The following CCSER2 variants were observed in gnomAD, a reference collection of about 807,000 sequenced individuals.
The protein encoded by CCSER2 is serine-rich coiled-coil domain-containing protein 2.
Under a neutral mutation model 92.3 loss-of-function variants are expected in CCSER2, and 46 were observed. That is an observed-to-expected ratio of 0.50 (90% CI 0.39 to 0.64). CCSER2 has a LOEUF of 0.64. Among genes scored for constraint, CCSER2 ranks in the 30% least tolerant of loss-of-function variants. The pLI is 0.00. For missense variants in CCSER2, 1,244 were observed against 1,238.9 expected, an observed-to-expected ratio of 1.00 and a Z score of -0.06; for synonymous variants, 433 against 431.4, an observed-to-expected ratio of 1.00 and a Z score of -0.04.
intron 3 of CCSER2, among the ~76,000 whole-genome samples, chr10:84,398,232 C>G (rs184278276): frequency 2.0e-5 from 3 of 152,300 alleles, no homozygotes; most frequent in Admixed American, 6.5e-5. Flanking sequence ...CAACACCGCA[C>G]CTCTTTGACC....
At chr10:84,489,934 G>A (rs1848052168) in intron 9 of CCSER2, among the ~76,000 whole-genome samples, 1 of 152,152 alleles carries the variant, frequency 6.6e-6, no homozygotes, top group African/African-American at 2.4e-5. Flanking sequence ...GGGCAGGCCT[G>A]GTGGTGACAA....
chr10:84,473,526 T>C (rs1589760287), intron 8 of CCSER2, among the ~76,000 whole-genome samples: 1 of 152,326 alleles, frequency 6.6e-6, no homozygotes, highest in East Asian at 1.9e-4. Context: ...GTATCCTTTT[T>C]ATAGTAGAAA....
chr10:84,474,662 C>CA (rs397844899), intron 8 of CCSER2, among the ~76,000 whole-genome samples: 5,107 of 65,118 alleles, frequency 0.078, 287 homozygotes, highest in Non-Finnish European at 0.093. Flanking sequence ...GACTCCATCT[C>CA]AAAAAAAAAA....
intron 5 of CCSER2, among the ~76,000 whole-genome samples, chr10:84,433,762 T>C (rs549100482): frequency 6.6e-6 from 1 of 152,340 alleles, no homozygotes; most frequent in Admixed American, 6.5e-5. Context: ...TTCTTTTCTC[T>C]AGTTTGCATC....
chr10:84,399,122 A>G (rs1395459009), intron 3 of CCSER2, among the ~76,000 whole-genome samples: 2 of 152,178 alleles, frequency 1.3e-5, no homozygotes. Flanking sequence ...GGCTTTTAGC[A>G]TACCCATCAC....
At chr10:84,485,091 CAA>C (rs1472340240) in intron 9 of CCSER2, among the ~76,000 whole-genome samples, 1 of 152,124 alleles carries the variant, frequency 6.6e-6, no homozygotes. Flanking sequence ...AGTGTAATTA[CAA>C]AAGAGTGATA....
chr10:84,498,440 G>A (rs567407090), intron 9 of CCSER2, among the ~76,000 whole-genome samples: 1 of 151,408 alleles, frequency 6.6e-6, no homozygotes, highest in East Asian at 1.9e-4. Flanking sequence ...TAGTTTTTGT[G>A]GCTTTTTTTT....
rs1012145766 is a variant in CCSER2, at chr10:84,470,468, G to A, written c.2235+10G>A. ...ATTAGAACTTCAGCTTGTAAGTATT[G>A]TAGTATAATGTATAGAGACTTTTCA... On this transcript the variant is annotated intron_variant, in intron 8 of 9. Transcript: ENST00000372088. 2 of 1,410,628 alleles carry A rather than the reference G, an allele frequency of 1.4e-6. No homozygotes were observed. The highest frequency in any genetic ancestry group is 1.5e-5 in the African/African-American group (1 of 67,318). 87.4% of individuals were successfully genotyped at this position (1,410,628 alleles called of 1,614,324 possible). A position where few individuals can be genotyped will look rare whatever the true frequency, so the allele number is the denominator to read the frequency against.
intron 1 of CCSER2, among the ~76,000 whole-genome samples, chr10:84,348,872 T>G (rs1403427581): frequency 6.6e-6 from 1 of 152,174 alleles, no homozygotes; most frequent in Non-Finnish European, 1.5e-5. Flanking sequence ...TTTGCTCTCT[T>G]TCATATATAT....
chr10:84,473,871 A>G (rs1846968885), intron 8 of CCSER2, among the ~76,000 whole-genome samples: 1 of 152,106 alleles, frequency 6.6e-6, no homozygotes, highest in Non-Finnish European at 1.5e-5. Context: ...GTGATTTCCA[A>G]TTTCCCTTTC....
chr10:84,435,535 G>T (rs1291615801), intron 5 of CCSER2, among the ~76,000 whole-genome samples: 1 of 150,748 alleles, frequency 6.6e-6, no homozygotes, highest in Non-Finnish European at 1.5e-5. Flanking sequence ...TTCTAAAGCA[G>T]TGCTTTTGTC....
chr10:84,413,101 C>T (rs1054517695), intron 3 of CCSER2, among the ~76,000 whole-genome samples: 1 of 146,554 alleles, frequency 6.8e-6, no homozygotes, highest in Non-Finnish European at 1.5e-5. Flanking sequence ...TTCCTGGATT[C>T]ATTGATTTTT....
At chr10:84,444,700 G>A (rs116261254) in intron 6 of CCSER2, among the ~76,000 whole-genome samples, 3,649 of 152,174 alleles carry the variant, frequency 0.024, 137 homozygotes, top group African/African-American at 0.083. Flanking sequence ...CCCAAGCAAA[G>A]GAATCTTTGT....
chr10:84,470,429 GA>G lies in CCSER2; in HGVS notation c.2210del (p.Lys737ArgfsTer5). 1 of 1,406,788 alleles carries G rather than the reference GA, an allele frequency of 7.1e-7. No individual in the cohort carries two copies. Among genetic ancestry groups the G allele is most frequent in the Non-Finnish European group, 9.5e-7 (1 of 1,051,134 alleles). 87.1% of individuals were successfully genotyped at this position (1,406,788 alleles called of 1,614,324 possible). On this transcript the variant is annotated frameshift_variant, in exon 8 of 10. Coordinates refer to ENST00000372088, the MANE Select transcript of CCSER2 (RefSeq NM_001284240.2). LOFTEE classifies it high-confidence loss of function. Reference protein sequence around the residue: ...QLKDEIKKKDEKIQLLELQLA... With the variant: ...QLKDEIKKKDXKIQLLELQLA... The stretch of plus-strand genomic sequence containing the variant: ...TAAAGACGAAATAAAGAAAAAAGAT[GA>G]AAAGATCCAACTATTAGAACTTCAG...
chr10:84,512,413 A>C (rs994055189), intron 9 of CCSER2, among the ~76,000 whole-genome samples: 11 of 151,732 alleles, frequency 7.2e-5, no homozygotes, highest in Non-Finnish European at 1.6e-4. Context: ...AGAGAGAGAG[A>C]GAGGAGAGAG....
At chr10:84,364,006 G>T (rs1204794658) in intron 1 of CCSER2, among the ~76,000 whole-genome samples, 2 of 152,150 alleles carry the variant, frequency 1.3e-5, no homozygotes, top group African/African-American at 4.8e-5. Context: ...GTAGGCAGTT[G>T]TAACACAATG....
At chr10:84,391,991 C>A in intron 3 of CCSER2, 1 of 1,334,836 alleles carries the variant, frequency 7.5e-7, no homozygotes, top group Non-Finnish European at 1.1e-6. Flanking sequence ...GGAGGCATTT[C>A]TCTGACCAGT....
rs1564667385 is a variant in CCSER2, at chr10:84,441,734, A to ATTTTTTTTTTTT, written c.2064+3028_2064+3029insTTTTTTTTTTTT. On this transcript the variant is annotated intron_variant, in intron 6 of 9. Coordinates refer to ENST00000372088, the MANE Select transcript of CCSER2 (RefSeq NM_001284240.2). The stretch of plus-strand genomic sequence containing the variant: ...GGGAATAAAGTAGAAGACTGGGAAA[A>ATTTTTTTTTTTT]TGTTTTTTTTTTTTTTTTTTTTTTT... Among the ~76,000 whole-genome samples, 43 of 106,444 alleles carry ATTTTTTTTTTTT rather than the reference A, an allele frequency of 4.0e-4. 8 individuals are homozygous for ATTTTTTTTTTTT. The highest frequency in any genetic ancestry group is 5.9e-4 in the Non-Finnish European group (32 of 54,112). The allele number at this position is 106,444 out of a possible 152,430, so 69.8% of individuals were successfully genotyped here. A position where few individuals can be genotyped will look rare whatever the true frequency, so the allele number is the denominator to read the frequency against.
chr10:84,389,850 T>G (rs1346900602), intron 3 of CCSER2, among the ~76,000 whole-genome samples: 1 of 152,230 alleles, frequency 6.6e-6, no homozygotes, highest in Non-Finnish European at 1.5e-5. Flanking sequence ...TCTTCTCTCA[T>G]AATTCTTTGA....
Sources: gnomAD v4.1 joint callset for allele counts (sites outside exome capture counted in the v4.1 genomes callset) on GRCh38, gnomAD v4.1.1 for gene constraint, MANE v1.5 for transcripts, NCBI Gene and HGNC (gene_info 2026-07-23, HGNC 2026-07-21) for gene names.